The following PCDH7 variants were observed in gnomAD, a reference collection of about 807,000 sequenced individuals.
The protein encoded by PCDH7 is protocadherin-7.
PCDH7 carries 17 observed loss-of-function variants against 58.9 expected under a neutral mutation model. That is an observed-to-expected ratio of 0.29 (90% CI 0.20 to 0.43). The LOEUF is 0.43. Among genes scored for constraint, PCDH7 ranks in the 20% least tolerant of loss-of-function variants. PCDH7 has a pLI of 1.00. For missense variants in PCDH7, 1,274 were observed against 1,441.0 expected, an observed-to-expected ratio of 0.88 and a Z score of 1.88; for synonymous variants, 664 against 616.4, an observed-to-expected ratio of 1.08 and a Z score of -1.14.
At chr4:30,859,975 G>A (rs1226717334) in intron 1 of PCDH7, among the ~76,000 whole-genome samples, 1 of 152,140 alleles carries the variant, frequency 6.6e-6, no homozygotes, top group Non-Finnish European at 1.5e-5. Flanking sequence ...ATGTGACTGA[G>A]GCTGGGAATC....
At chr4:30,802,302 TTAA>T (rs35500076) in intron 1 of PCDH7, among the ~76,000 whole-genome samples, 96,163 of 151,672 alleles carry the variant, frequency 0.63, 32,695 homozygotes, top group African/African-American at 0.9. Context: ...AAGAAAATTA[TTAA>T]TAATACATCA....
At chr4:30,894,069 T>C (rs773324784) in intron 1 of PCDH7, among the ~76,000 whole-genome samples, 1 of 152,160 alleles carries the variant, frequency 6.6e-6, no homozygotes, top group Non-Finnish European at 1.5e-5. Flanking sequence ...TAATAAATTA[T>C]TATTGCCTGG....
intron 3 of PCDH7, among the ~76,000 whole-genome samples, chr4:31,110,679 GCCGAGT>G (rs1433771545): frequency 2.2e-4 from 34 of 152,106 alleles, no homozygotes; most frequent in African/African-American, 8.2e-4. Context: ...GCTTTAGGAG[GCCGAGT>G]CGGGTGGATC....
At chr4:30,762,409 C>T (rs781166625) in intron 1 of PCDH7, among the ~76,000 whole-genome samples, 22 of 152,048 alleles carry the variant, frequency 1.4e-4, no homozygotes, top group Non-Finnish European at 2.9e-4. Context: ...TTCAGTTTTT[C>T]AAGAGCAAGA....
chr4:30,852,673 A>G (rs1235550300), intron 1 of PCDH7, among the ~76,000 whole-genome samples: 1 of 151,886 alleles, frequency 6.6e-6, no homozygotes, highest in African/African-American at 2.4e-5. Flanking sequence ...TGAGCCTCTT[A>G]TTTAATAATA....
At chr4:30,852,325 T>C (rs1451995359) in intron 1 of PCDH7, among the ~76,000 whole-genome samples, 3 of 152,098 alleles carry the variant, frequency 2.0e-5, no homozygotes, top group Non-Finnish European at 4.4e-5. Context: ...TTTAGCAATG[T>C]GCCTAAGTCA....
chr4:30,836,384 A>G (rs555878287), intron 1 of PCDH7, among the ~76,000 whole-genome samples: 1 of 152,320 alleles, frequency 6.6e-6, no homozygotes, highest in South Asian at 2.1e-4. Flanking sequence ...GACCATATGA[A>G]ATAGAAAACC....
chr4:31,012,776 G>A (rs1753291417), intron 3 of PCDH7, among the ~76,000 whole-genome samples: 1 of 150,644 alleles, frequency 6.6e-6, no homozygotes, highest in African/African-American at 2.4e-5. Context: ...AGCCTAGGCA[G>A]GAGAATTGCT....
At chr4:30,743,185 A>C (rs1351438164) in intron 1 of PCDH7, among the ~76,000 whole-genome samples, 5 of 152,170 alleles carry the variant, frequency 3.3e-5, no homozygotes, top group Non-Finnish European at 7.4e-5. Flanking sequence ...TTCCTAAGGA[A>C]AAAAATAGAT....
chr4:30,849,521 G>A (rs1255700377), intron 1 of PCDH7, among the ~76,000 whole-genome samples: 1 of 152,110 alleles, frequency 6.6e-6, no homozygotes, highest in African/African-American at 2.4e-5. Flanking sequence ...ATGCATGTGT[G>A]CATGCCTGTG....
chr4:31,110,353 A>T (rs1315052244), intron 3 of PCDH7, among the ~76,000 whole-genome samples: 1 of 152,206 alleles, frequency 6.6e-6, no homozygotes, highest in Non-Finnish European at 1.5e-5. Context: ...ACCTCGTACA[A>T]GTTTTAAATT....
intron 1 of PCDH7, among the ~76,000 whole-genome samples, chr4:30,772,067 ACCATGTTGGC>A (rs1721488140): frequency 6.6e-6 from 1 of 152,048 alleles, no homozygotes. Context: ...ATGGGGTCTC[ACCATGTTGGC>A]CAGGGTGGTC....
intron 1 of PCDH7, among the ~76,000 whole-genome samples, chr4:30,790,790 G>GGCA (rs1724013210): frequency 6.6e-6 from 1 of 152,040 alleles, no homozygotes; most frequent in South Asian, 2.1e-4. Context: ...CGGGTGTGGT[G>GGCA]GCAGGTGCCT....
At chr4:30,793,291 T>G (rs189489263) in intron 1 of PCDH7, among the ~76,000 whole-genome samples, 259 of 152,310 alleles carry the variant, frequency 1.7e-3, no homozygotes, top group African/African-American at 6.1e-3. Flanking sequence ...ATATGTATCT[T>G]GCACTACTGC....
At chr4:30,753,474 A>C (rs910363384) in intron 1 of PCDH7, among the ~76,000 whole-genome samples, 8 of 152,230 alleles carry the variant, frequency 5.3e-5, no homozygotes, top group African/African-American at 1.7e-4. Flanking sequence ...GGTGCATTAT[A>C]GGCAAAAATG....
chr4:30,825,376 C>T (rs550539937), intron 1 of PCDH7, among the ~76,000 whole-genome samples: 9 of 152,234 alleles, frequency 5.9e-5, no homozygotes, highest in African/African-American at 1.7e-4. Context: ...ACTAAACTTT[C>T]AGTATGTTTT....
chr4:31,060,009 G>A (rs1326339106), intron 3 of PCDH7, among the ~76,000 whole-genome samples: 2 of 151,668 alleles, frequency 1.3e-5, no homozygotes, highest in African/African-American at 4.8e-5. Context: ...TATGATGCCA[G>A]CTTTTCTTTG....
At chr4:30,869,201 A>T (rs560846897) in intron 1 of PCDH7, 1 of 152,258 alleles carries the variant, frequency 6.6e-6, no homozygotes, top group East Asian at 1.9e-4. Flanking sequence ...GAATTTTGTT[A>T]ACAAGAACAA....
intron 1 of PCDH7, among the ~76,000 whole-genome samples, chr4:30,834,848 T>G (rs531475837): frequency 1.3e-5 from 2 of 151,972 alleles, no homozygotes; most frequent in South Asian, 4.1e-4. Context: ...CAAAGCAATA[T>G]TTTTCCACTG....
Sources: allele counts gnomAD v4.1 joint callset (sites outside exome capture counted in the v4.1 genomes callset), GRCh38; gene constraint gnomAD v4.1.1; transcripts MANE v1.5; gene names NCBI Gene and HGNC (gene_info 2026-07-23, HGNC 2026-07-21).